Variants in MOB1A observed in about 807,000 individuals in gnomAD.
The protein encoded by MOB1A is MOB1 Mps One Binder homolog A.
MOB1A carries 10 observed loss-of-function variants against 25.1 expected under a neutral mutation model. The ratio of observed to expected loss-of-function variants is 0.40; its 90% CI spans 0.25 to 0.68. The LOEUF is 0.68. Among genes scored for constraint, MOB1A ranks in the 30% least tolerant of loss-of-function variants. The probability of loss-of-function intolerance (pLI) is 0.40; values close to 1 mark genes in which losing one functional copy is unlikely to be tolerated. For synonymous variants in MOB1A, 81 were observed against 79.5 expected (o/e 1.02, Z -0.10); for missense variants, 177 against 256.3 (o/e 0.69, Z 2.11).
intron 1 of MOB1A, among the ~76,000 whole-genome samples, chr2:74,177,547 C>A (rs956228078): frequency 1.3e-5 from 2 of 151,888 alleles, no homozygotes; most frequent in Middle Eastern, 3.4e-3. Flanking sequence ...ACGAGAATAA[C>A]CCAAAGGAAG....
chr2:74,167,129 G>A, intron 2 of MOB1A, 22 bp from the exon 3 acceptor site: 5 of 1,585,188 alleles, frequency 3.2e-6, no homozygotes, highest in Non-Finnish European at 4.3e-6. Flanking sequence ...ATAGAATTGT[G>A]TCAAAATGTC....
chr2:74,168,606 G>A (rs1271852163), intron 2 of MOB1A, among the ~76,000 whole-genome samples: 1 of 152,220 alleles, frequency 6.6e-6, no homozygotes, highest in Non-Finnish European at 1.5e-5. Flanking sequence ...GGGTACCACT[G>A]CAGTCCAGCC....
intron 1 of MOB1A, 130 bp downstream of exon 1, chr2:74,178,531 G>A: frequency 3.4e-6 from 2 of 582,564 alleles, no homozygotes; most frequent in African/African-American, 1.9e-5. Flanking sequence ...GACCCGAACA[G>A]AGGCAAAACA....
intron 1 of MOB1A, among the ~76,000 whole-genome samples, chr2:74,176,957 CATCCACGCA>C (rs1208250376): frequency 1.3e-5 from 2 of 152,082 alleles, no homozygotes; most frequent in Non-Finnish European, 2.9e-5. Context: ...TGAACACATA[CATCCACGCA>C]AAAACCTGTC....
intron 2 of MOB1A, among the ~76,000 whole-genome samples, chr2:74,170,665 G>C (rs541012344): frequency 6.7e-6 from 1 of 149,926 alleles, no homozygotes; most frequent in East Asian, 2.0e-4. Context: ...AACACAGGAG[G>C]AGGAGGTTGC....
chr2:74,177,451 G>C (rs1693507736), intron 1 of MOB1A, among the ~76,000 whole-genome samples: 3 of 152,330 alleles, frequency 2.0e-5, no homozygotes, highest in African/African-American at 7.2e-5. Context: ...GTGGAGGAGG[G>C]AGGAATACTT....
chr2:74,176,790 A>C (rs1230251138), intron 1 of MOB1A, among the ~76,000 whole-genome samples: 2 of 151,850 alleles, frequency 1.3e-5, no homozygotes, highest in African/African-American at 4.8e-5. Flanking sequence ...AAAATTAACA[A>C]GTGCTATGAG....
At chr2:74,158,202 G>GAAAAAAAAAAAAAAAA in intron 5 of MOB1A, among the ~76,000 whole-genome samples, 1 of 135,982 alleles carries the variant, frequency 7.4e-6, no homozygotes, top group Non-Finnish European at 1.5e-5. Context: ...AAAGAGGGGG[G>GAAAAAAAAAAAAAAAA]AAAAAAAAAA....
intron 1 of MOB1A, among the ~76,000 whole-genome samples, chr2:74,174,502 T>C (rs1363073761): frequency 6.6e-6 from 1 of 152,074 alleles, no homozygotes; most frequent in Non-Finnish European, 1.5e-5. Context: ...ATCAAAATAT[T>C]TGAGACGCCT....
rs1047262480 is a variant in MOB1A, at chr2:74,153,152, G to A, written c.*3416C>T. The A allele has an allele frequency of 5.9e-5, 9 of 152,232 alleles. No homozygotes were observed. Among genetic ancestry groups the A allele is most frequent in the Admixed American group, 5.9e-4 (9 of 15,282 alleles). 9.4% of individuals were successfully genotyped at this position (152,232 alleles called of 1,614,324 possible). On this transcript the variant is annotated 3_prime_UTR_variant, in exon 6 of 6. Coordinates refer to ENST00000396049, the MANE Select transcript of MOB1A (RefSeq NM_018221.5). ...TCCAGGCTGGCATTTTTCAGGTGAG[G>A]GTTTCATACTGACAGGAGGCAGGCT...
chr2:74,169,748 C>G (rs1438831758), intron 2 of MOB1A, among the ~76,000 whole-genome samples: 1 of 151,950 alleles, frequency 6.6e-6, no homozygotes, highest in Non-Finnish European at 1.5e-5. Flanking sequence ...CCTGCCTCAG[C>G]CTCCTCAGTA....
In MOB1A at chr2:74,156,625, C is replaced by T; in HGVS notation, c.594G>A (p.Arg198=). The part of the protein sequence containing the change: ...FFVQEFNLID[R]RELAPLQELI... ...ATTCTTGAAGAGGTGCCAGCTCACG[C>T]CTATCAATCAGATTAAACTCCTAAA... The change falls in exon 6 of 6, where the codon AGG becomes AGA. Residue 198 remains arginine (R), a synonymous_variant. Coordinates refer to ENST00000396049, the MANE Select transcript of MOB1A (RefSeq NM_018221.5). 6.4e-7 allele frequency: 1 copy of T among 1,554,396 alleles called. No individual in the cohort carries two copies. The highest frequency in any genetic ancestry group is 1.2e-5 in the South Asian group (1 of 84,198).
At chr2:74,173,179 A>T (rs1044417639) in intron 1 of MOB1A, 3 of 517,906 alleles carry the variant, frequency 5.8e-6, no homozygotes, top group Non-Finnish European at 1.2e-5. Context: ...AGATAGGAAG[A>T]TGATGATCAC....
chr2:74,177,237 C>T (rs1315768675), intron 1 of MOB1A, among the ~76,000 whole-genome samples: 4 of 151,956 alleles, frequency 2.6e-5, no homozygotes, highest in African/African-American at 4.8e-5. Context: ...CGCTTGAACC[C>T]GGGAGGCAGA....
intron 4 of MOB1A, among the ~76,000 whole-genome samples, chr2:74,160,943 T>C (rs1194798322): frequency 6.6e-6 from 1 of 151,190 alleles, no homozygotes; most frequent in Non-Finnish European, 1.5e-5. Flanking sequence ...CCTGTAATCC[T>C]AGCTACTCAA....
intron 2 of MOB1A, among the ~76,000 whole-genome samples, chr2:74,171,864 T>C (rs570599220): frequency 1.3e-5 from 2 of 151,828 alleles, no homozygotes; most frequent in South Asian, 2.1e-4. Flanking sequence ...GATTGAGCCA[T>C]TGCACTCCAG....
At chr2:74,176,307 A>G (rs1572969317) in intron 1 of MOB1A, among the ~76,000 whole-genome samples, 1 of 143,930 alleles carries the variant, frequency 6.9e-6, no homozygotes, top group East Asian at 2.2e-4. Flanking sequence ...AAGGAGGTAA[A>G]AAAGAATGAT....
intron 1 of MOB1A, among the ~76,000 whole-genome samples, chr2:74,177,038 T>C (rs1693494142): frequency 1.3e-5 from 2 of 151,998 alleles, no homozygotes; most frequent in African/African-American, 4.8e-5. Context: ...CAAGTGTCCA[T>C]CAAGAAGGCC....
chr2:74,165,399 A>T, intron 3 of MOB1A, 48 bp from the exon 4 acceptor site: 1 of 1,233,848 alleles, frequency 8.1e-7, no homozygotes, highest in Non-Finnish European at 1.1e-6. Context: ...AATATTAACA[A>T]ATGTGCAAGT....
Sources: allele counts gnomAD v4.1 joint callset (sites outside exome capture counted in the v4.1 genomes callset), GRCh38; gene constraint gnomAD v4.1.1; transcripts MANE v1.5; gene names NCBI Gene and HGNC (gene_info 2026-07-23, HGNC 2026-07-21).